Variants in RANBP2 observed in about 807,000 individuals in gnomAD.
RANBP2 encodes the protein E3 SUMO-protein ligase RanBP2.
Under a neutral mutation model 303.6 loss-of-function variants are expected in RANBP2, and 57 were observed. The ratio of observed to expected loss-of-function variants is 0.19; its 90% CI spans 0.15 to 0.23. RANBP2 has a LOEUF of 0.23. Among genes scored for constraint, RANBP2 ranks in the 10% least tolerant of loss-of-function variants. The pLI is 1.00. For synonymous variants in RANBP2, 1,167 were observed against 1,301.5 expected (o/e 0.90, Z 2.23); for missense variants, 3,138 against 3,780.8 (o/e 0.83, Z 4.46).
chr2:109,193,045 G>A, the RANBP2 span, among the ~76,000 whole-genome samples: 1 of 152,220 alleles, frequency 6.6e-6, no homozygotes, highest in East Asian at 1.9e-4. Flanking sequence ...AGATGTCAAT[G>A]TGCCAAGAAA....
the RANBP2 span, among the ~76,000 whole-genome samples, chr2:108,994,836 T>TC: frequency 8.2e-6 from 1 of 122,204 alleles, no homozygotes; most frequent in African/African-American, 3.0e-5. Context: ...ATATCTTTTT[T>TC]TTTTTTTTTT....
chr2:109,555,037 G>A, the RANBP2 span, among the ~76,000 whole-genome samples: 1 of 152,036 alleles, frequency 6.6e-6, no homozygotes, highest in African/African-American at 2.4e-5. Flanking sequence ...CCTGATCTTT[G>A]TGATTTTCTG....
the RANBP2 span, among the ~76,000 whole-genome samples, chr2:109,189,121 T>C: frequency 0.029 from 4,443 of 152,186 alleles, 100 homozygotes; most frequent in Non-Finnish European, 0.044. Context: ...ACTGCCTTGC[T>C]AGCAGAGGCT....
At chr2:108,799,211 A>G in the RANBP2 span, among the ~76,000 whole-genome samples, 1 of 152,174 alleles carries the variant, frequency 6.6e-6, no homozygotes, top group African/African-American at 2.4e-5. Flanking sequence ...GATTTGCCTG[A>G]TTGCTTCGTA....
rs1219460505 is a variant in RANBP2 at position 108,784,647 on chromosome 2, T to G, written c.*746T>G. The stretch of plus-strand genomic sequence containing the variant: ...GGTTCTGATGATAGAAATTGAATTT[T>G]TCCTTGTAGTTATTGTGATAAAGTA... On this transcript the variant is annotated 3_prime_UTR_variant, in exon 29 of 29. Coordinates refer to ENST00000283195, the MANE Select transcript of RANBP2 (RefSeq NM_006267.5). 6.6e-6 allele frequency: 1 copy of G among 152,664 alleles called. No individual in the cohort carries two copies. The highest frequency in any genetic ancestry group is 1.5e-5 in the Non-Finnish European group (1 of 68,044). The allele number at this position is 152,664 out of a possible 1,614,324, so 9.5% of individuals were successfully genotyped here.
At chr2:109,219,711 A>G in the RANBP2 span, among the ~76,000 whole-genome samples, 1 of 152,242 alleles carries the variant, frequency 6.6e-6, no homozygotes, top group Non-Finnish European at 1.5e-5. Context: ...AAAGAATAAA[A>G]TACTTGGGAA....
chr2:108,827,627 T>C, the RANBP2 span, among the ~76,000 whole-genome samples: 9 of 151,914 alleles, frequency 5.9e-5, no homozygotes, highest in African/African-American at 1.4e-4. Flanking sequence ...CTATCCTGGC[T>C]AACACAGTGA....
the RANBP2 span, among the ~76,000 whole-genome samples, chr2:109,671,601 G>A: frequency 2.6e-5 from 4 of 152,218 alleles, no homozygotes; most frequent in Admixed American, 2.6e-4. Flanking sequence ...AACCAGGCAT[G>A]AGTGGAGCAT....
chr2:109,609,522 A>C, the RANBP2 span, among the ~76,000 whole-genome samples: 5 of 151,930 alleles, frequency 3.3e-5, no homozygotes, highest in Non-Finnish European at 7.4e-5. Context: ...TCTCTGGGAA[A>C]GCTTCAGAGG....
chr2:109,703,366 A>G, the RANBP2 span, among the ~76,000 whole-genome samples: 2 of 152,222 alleles, frequency 1.3e-5, no homozygotes, highest in Non-Finnish European at 2.9e-5. Flanking sequence ...GTTGCCTAAC[A>G]TGGTATGTTC....
chr2:108,820,712 A>C, the RANBP2 span, among the ~76,000 whole-genome samples: 34 of 22,596 alleles, frequency 1.5e-3, 2 homozygotes, highest in East Asian at 0.022. Context: ...AAAAAAAAAA[A>C]AAACAAACAA....
At chr2:108,723,772 A>C (rs1694474681) in intron 1 of RANBP2, among the ~76,000 whole-genome samples, 1 of 152,112 alleles carries the variant, frequency 6.6e-6, no homozygotes, top group Non-Finnish European at 1.5e-5. Context: ...GGACTGAATA[A>C]TTGCTTTATT....
At chr2:108,722,882 C>T (rs1694381941) in intron 1 of RANBP2, among the ~76,000 whole-genome samples, 1 of 151,684 alleles carries the variant, frequency 6.6e-6, no homozygotes, top group Non-Finnish European at 1.5e-5. Flanking sequence ...CAGAGCGAGA[C>T]TCTGTCTCCA....
At chr2:109,228,177 C>T in the RANBP2 span, among the ~76,000 whole-genome samples, 2 of 152,182 alleles carry the variant, frequency 1.3e-5, no homozygotes, top group Non-Finnish European at 2.9e-5. Flanking sequence ...CATGGTGCTA[C>T]TTGCTTATAA....
the RANBP2 span, among the ~76,000 whole-genome samples, chr2:109,327,927 C>T: frequency 1.7e-4 from 26 of 152,284 alleles, no homozygotes; most frequent in African/African-American, 6.3e-4. Flanking sequence ...CAAACATACA[C>T]AATCATGGAG....
chr2:108,820,083 A>AAGATAGATAAT, the RANBP2 span, among the ~76,000 whole-genome samples: 3 of 152,212 alleles, frequency 2.0e-5, no homozygotes, highest in Non-Finnish European at 4.4e-5. Context: ...TACGCAGAAG[A>AAGATAGATAAT]CATCAACACA....
At chr2:109,251,487 T>C in the RANBP2 span, 5 of 740,686 alleles carry the variant, frequency 6.8e-6, no homozygotes, top group Non-Finnish European at 1.3e-5. Context: ...TGAAATTAAA[T>C]GGTGGCAGAC....
At chr2:109,494,658 C>T in the RANBP2 span, among the ~76,000 whole-genome samples, 1 of 152,174 alleles carries the variant, frequency 6.6e-6, no homozygotes. Flanking sequence ...CCTGGAGGGC[C>T]TCAGGTGTGC....
At chr2:109,362,824 C>T in the RANBP2 span, among the ~76,000 whole-genome samples, 1 of 151,870 alleles carries the variant, frequency 6.6e-6, no homozygotes, top group African/African-American at 2.4e-5. Context: ...ATGTAATGCC[C>T]CTATTTATTC....
Sources: allele counts gnomAD v4.1 joint callset (sites outside exome capture counted in the v4.1 genomes callset), GRCh38; gene constraint gnomAD v4.1.1; transcripts MANE v1.5; gene names NCBI Gene and HGNC (gene_info 2026-07-23, HGNC 2026-07-21).